TANC2: variants seen among roughly 807,000 people sequenced by gnomAD.
TANC2 encodes protein TANC2.
Under a neutral mutation model 210.5 loss-of-function variants are expected in TANC2, and 26 were observed. The observed-to-expected ratio is 0.12, with a 90% CI of 0.09 to 0.17. TANC2 has a LOEUF of 0.17. TANC2 is among the 10% of genes least tolerant of loss of function. The pLI, the probability that TANC2 is intolerant of heterozygous loss-of-function variation, is 1.00. For missense variants in TANC2, 2,129 were observed against 2,608.9 expected (o/e 0.82, Z 4.01); for synonymous variants, 931 against 967.1 (o/e 0.96, Z 0.69).
At chr17:63,004,028 C>G (rs1333844101) in intron 1 of TANC2, among the ~76,000 whole-genome samples, 1 of 152,036 alleles carries the variant, frequency 6.6e-6, no homozygotes, top group East Asian at 1.9e-4. Flanking sequence ...TTTGATGGAC[C>G]ACCAAAAATC....
chr17:63,009,277 T>G (rs1568313709), intron 1 of TANC2, among the ~76,000 whole-genome samples: 1 of 152,084 alleles, frequency 6.6e-6, no homozygotes, highest in Non-Finnish European at 1.5e-5. Context: ...TTTTTATTTG[T>G]TTTTACTTTT....
At chr17:63,188,429 T>TA (rs1302427203) in intron 5 of TANC2, among the ~76,000 whole-genome samples, 1 of 151,740 alleles carries the variant, frequency 6.6e-6, no homozygotes, top group Admixed American at 6.6e-5. Context: ...CCATCTCTAC[T>TA]AAAAATACAA....
intron 10 of TANC2, among the ~76,000 whole-genome samples, chr17:63,317,850 G>A (rs1185337891): frequency 6.6e-6 from 1 of 152,224 alleles, no homozygotes; most frequent in African/African-American, 2.4e-5. Flanking sequence ...GAAAGACAGA[G>A]GGCATTTGGA....
At chr17:63,020,927 G>A (rs372812427) in intron 2 of TANC2, among the ~76,000 whole-genome samples, 1 of 152,060 alleles carries the variant, frequency 6.6e-6, no homozygotes, top group East Asian at 1.9e-4. Flanking sequence ...TGAGAGAGGG[G>A]TGTAGGAGCT....
intron 14 of TANC2, among the ~76,000 whole-genome samples, chr17:63,376,072 G>A (rs1286755102): frequency 6.6e-6 from 1 of 152,052 alleles, no homozygotes; most frequent in African/African-American, 2.4e-5. Flanking sequence ...GGGTGACAGA[G>A]CGAGACTTCA....
At chr17:63,207,317 G>A (rs889461884) in intron 7 of TANC2, among the ~76,000 whole-genome samples, 4 of 145,664 alleles carry the variant, frequency 2.7e-5, no homozygotes, top group African/African-American at 1.0e-4. Context: ...CCGGGTTCAT[G>A]CCATTCTCCT....
chr17:63,247,790 C>T (rs1469496887), intron 8 of TANC2, among the ~76,000 whole-genome samples: 2 of 152,096 alleles, frequency 1.3e-5, no homozygotes, highest in African/African-American at 4.8e-5. Flanking sequence ...GAACAAAATA[C>T]TTCATCAGAA....
chr17:63,195,229 C>T (rs1037103376), intron 6 of TANC2, among the ~76,000 whole-genome samples: 9 of 152,150 alleles, frequency 5.9e-5, no homozygotes, highest in African/African-American at 2.2e-4. Flanking sequence ...TTCCCCTTTA[C>T]TTGAAATTTG....
chr17:63,055,029 G>C (rs1376248921), intron 2 of TANC2, among the ~76,000 whole-genome samples: 2 of 152,164 alleles, frequency 1.3e-5, no homozygotes, highest in Admixed American at 6.5e-5. Flanking sequence ...GCTTCGGCTA[G>C]ATTAAGTTAT....
chr17:63,345,080 A>G (rs1055718775), intron 12 of TANC2, among the ~76,000 whole-genome samples: 12 of 152,164 alleles, frequency 7.9e-5, no homozygotes, highest in Non-Finnish European at 1.5e-4. Flanking sequence ...TCCAACCCCC[A>G]GCCCCAGACA....
At chr17:63,064,970 A>G (rs977725213) in intron 2 of TANC2, among the ~76,000 whole-genome samples, 3 of 152,046 alleles carry the variant, frequency 2.0e-5, no homozygotes, top group African/African-American at 2.4e-5. Context: ...ATTCTGTACA[A>G]TAGATTTCCG....
chr17:63,098,209 T>A (rs2037461813), intron 3 of TANC2, among the ~76,000 whole-genome samples: 1 of 152,082 alleles, frequency 6.6e-6, no homozygotes, highest in Non-Finnish European at 1.5e-5. Flanking sequence ...ACGATGATAT[T>A]ACCTTCCTCC....
rs547384739 is a variant in TANC2 at position 63,151,033 on chromosome 17, G to GT, written c.323-221dup. 582 of 140,682 alleles carry GT rather than the reference G, an allele frequency of 4.1e-3. 1 individual carries two copies. The highest frequency in any genetic ancestry group is 6.1e-3 in the Admixed American group (86 of 14,044). The allele number at this position is 140,682 out of a possible 1,614,324, so 8.7% of individuals were successfully genotyped here. On this transcript the variant is annotated intron_variant, in intron 4 of 27. Transcript: ENST00000689528. ...ATCTCCTCTATGAAGAATGCAGTTA[G>GT]TTTTTTTTTTTTTTTTCTGGCTCAA...
intron 1 of TANC2, among the ~76,000 whole-genome samples, chr17:62,991,707 G>A (rs1340444282): frequency 6.6e-6 from 1 of 151,444 alleles, no homozygotes; most frequent in Non-Finnish European, 1.5e-5. Context: ...TATAGTATAA[G>A]TATTTACATA....
At chr17:63,034,485 A>G (rs1023374586) in intron 2 of TANC2, among the ~76,000 whole-genome samples, 1 of 152,196 alleles carries the variant, frequency 6.6e-6, no homozygotes, top group Non-Finnish European at 1.5e-5. Flanking sequence ...CAAGGAGTAA[A>G]TTTTGACTTT....
chr17:63,031,398 A>AT (rs1013711375), intron 2 of TANC2, among the ~76,000 whole-genome samples: 22 of 152,098 alleles, frequency 1.4e-4, no homozygotes, highest in Non-Finnish European at 2.9e-4. Context: ...AGAAAAAATG[A>AT]TTTTTTTCAA....
chr17:63,353,249 G>A (rs1376781652), intron 13 of TANC2, among the ~76,000 whole-genome samples: 2 of 152,150 alleles, frequency 1.3e-5, no homozygotes, highest in African/African-American at 2.4e-5. Flanking sequence ...GAGAGTAAAA[G>A]GACTTGATGA....
intron 2 of TANC2, among the ~76,000 whole-genome samples, chr17:63,020,108 A>G (rs555717321): frequency 6.6e-6 from 1 of 151,886 alleles, no homozygotes; most frequent in South Asian, 2.1e-4. Flanking sequence ...TTATATTTTC[A>G]GTAGAGACGG....
intron 3 of TANC2, among the ~76,000 whole-genome samples, chr17:63,077,009 C>G (rs1393189059): frequency 6.6e-6 from 1 of 152,098 alleles, no homozygotes; most frequent in East Asian, 1.9e-4. Flanking sequence ...ATTTTCTTAA[C>G]TGAAGAGCAT....
Sources: gnomAD v4.1 joint callset for allele counts (sites outside exome capture counted in the v4.1 genomes callset) on GRCh38, gnomAD v4.1.1 for gene constraint, MANE v1.5 for transcripts, NCBI Gene and HGNC (gene_info 2026-07-23, HGNC 2026-07-21) for gene names.